The following ZSCAN32 variants were observed in gnomAD, a reference collection of about 807,000 sequenced individuals.
The protein encoded by ZSCAN32 is zinc finger and SCAN domain containing 32.
ZSCAN32 carries 52 observed loss-of-function variants against 47.4 expected under a neutral mutation model. The ratio of observed to expected loss-of-function variants is 1.10; its 90% CI spans 0.88 to 1.38. The LOEUF (loss-of-function observed/expected upper bound fraction) is 1.38. Among genes scored for constraint, ZSCAN32 ranks in the 40% most tolerant of loss-of-function variants. ZSCAN32 has a pLI of 0.00. For synonymous variants in ZSCAN32, 346 were observed against 305.7 expected (o/e 1.13, Z -1.38); for missense variants, 959 against 846.0 (o/e 1.13, Z -1.66).
chr16:3,390,191 G>A (rs1046789044), intron 4 of ZSCAN32, 58 bp from the exon 5 acceptor site: 3 of 1,519,672 alleles, frequency 2.0e-6, no homozygotes, highest in African/African-American at 2.8e-5. Context: ...AGCCTGGGGT[G>A]GGGGCAGAGA....
chr16:3,399,282 C>T (rs2033666240), intron 1 of ZSCAN32, among the ~76,000 whole-genome samples: 1 of 152,126 alleles, frequency 6.6e-6, no homozygotes, highest in Non-Finnish European at 1.5e-5. Context: ...ATACCCACTT[C>T]CCCAGAAGTG....
intron 2 of ZSCAN32, among the ~76,000 whole-genome samples, chr16:3,394,157 T>C (rs12448573): frequency 0.45 from 67,600 of 151,738 alleles, 17,056 homozygotes; most frequent in East Asian, 0.64. Context: ...CCCCAGCTAT[T>C]TGGGAGGCTG....
chr16:3,399,486 C>G (rs1014771124), intron 1 of ZSCAN32, among the ~76,000 whole-genome samples: 1 of 152,176 alleles, frequency 6.6e-6, no homozygotes, highest in Non-Finnish European at 1.5e-5. Context: ...ACAATATACT[C>G]AAGTCTTGAC....
intron 1 of ZSCAN32, 85 bp from the exon 2 acceptor site, chr16:3,397,829 T>TCA: frequency 3.6e-6 from 1 of 281,510 alleles, no homozygotes; most frequent in Non-Finnish European, 6.5e-6. Flanking sequence ...TCCCTTTCCT[T>TCA]TACTCCCTCC....
chr16:3,383,772 C>CAA (rs2031573924), intron 6 of ZSCAN32, 61 bp from the exon 7 acceptor site: 1 of 1,494,814 alleles, frequency 6.7e-7, no homozygotes, highest in African/African-American at 1.4e-5. Flanking sequence ...CAATGGAATG[C>CAA]AAAGTTATAA....
chr16:3,400,293 T>C (rs1358315127), intron 1 of ZSCAN32, among the ~76,000 whole-genome samples: 1 of 152,170 alleles, frequency 6.6e-6, no homozygotes, highest in Non-Finnish European at 1.5e-5. Flanking sequence ...ATGAAGTATC[T>C]TGCCTAAAGC....
chr16:3,390,324 C>T, intron 4 of ZSCAN32, 99 bp downstream of exon 4: 1 of 1,365,782 alleles, frequency 7.3e-7, no homozygotes, highest in South Asian at 1.4e-5. Context: ...CGAGAAGCCC[C>T]ATGGACCACA....
chr16:3,387,432 G>A (rs1168779738), intron 5 of ZSCAN32, among the ~76,000 whole-genome samples: 1 of 152,186 alleles, frequency 6.6e-6, no homozygotes, highest in Non-Finnish European at 1.5e-5. Flanking sequence ...AACACACCAA[G>A]GTAAGAATAA....
intron 4 of ZSCAN32, 28 bp from the exon 5 acceptor site, chr16:3,390,161 C>T (rs373598484): frequency 1.6e-4 from 245 of 1,577,470 alleles, no homozygotes; most frequent in Non-Finnish European, 2.0e-4. Context: ...CTGCTGCTAC[C>T]GATAAAATAG....
Position 3,383,348 on chromosome 16 carries a change from C to T in ZSCAN32, c.1598G>A (p.Ser533Asn). Residue 533 changes from serine (S) to asparagine (N), a missense_variant, in exon 7 of 7, where the codon AGT (serine) becomes AAT (asparagine). Transcript: ENST00000396852. ...CPECGKTFSR[S>N]SYLVRHQRIH... Reference sequence around the variant, plus strand: ...TCTTTGATGCCGAACAAGATAAGAACTTCGGCTAAAGGTTTTCCCACATTC... The same window carrying T: ...TCTTTGATGCCGAACAAGATAAGAATTTCGGCTAAAGGTTTTCCCACATTC... 6.2e-7 allele frequency: 1 copy of T among 1,614,168 alleles called. No homozygotes were observed. Among genetic ancestry groups the T allele is most frequent in the East Asian group, 2.2e-5 (1 of 44,870 alleles).
At chr16:3,395,717 G>A (rs2033309086) in intron 2 of ZSCAN32, among the ~76,000 whole-genome samples, 1 of 152,106 alleles carries the variant, frequency 6.6e-6, no homozygotes, top group Non-Finnish European at 1.5e-5. Context: ...TAAGAGTGTG[G>A]GCCGGGCACA....
Position 3,384,606 on chromosome 16 carries a change from C to T in ZSCAN32, c.1087G>A (p.Ala363Thr). Reference sequence around the variant, plus strand: ...CCATTCTGGTGATTCAGCTCTCCAGCCTCAATATCACTTCCTTCTTGGCCA... The same window carrying T: ...CCATTCTGGTGATTCAGCTCTCCAGTCTCAATATCACTTCCTTCTTGGCCA... ...VPGQEGSDIEAGELNHQNGEP... is the reference protein window; with the variant it reads ...VPGQEGSDIETGELNHQNGEP... The change falls in exon 6 of 7, where the codon GCT becomes ACT. Residue 363 changes from alanine (A) to threonine (T), a missense_variant. Transcript: ENST00000396852. The T allele has an allele frequency of 1.9e-6, 3 of 1,614,174 alleles. No homozygotes were observed. The African/African-American group carries it at 4.0e-5, about 22-fold the overall frequency.
rs753893394 is a variant in ZSCAN32, at chr16:3,382,826, C to G, written c.*26G>C. On this transcript the variant is annotated 3_prime_UTR_variant, in exon 7 of 7. Transcript: ENST00000396852. ...AGCTCATACATGCTGACCTGAGGAA[C>G]TTAATCTGACAGTTTACCGACACAC... The G allele has an allele frequency of 3.5e-5, 53 of 1,534,474 alleles. No individual in the cohort carries two copies. In the South Asian group the frequency reaches 6.5e-4, roughly 19 times the overall value.
At chr16:3,386,497 T>C (rs2032008622) in intron 5 of ZSCAN32, among the ~76,000 whole-genome samples, 1 of 152,158 alleles carries the variant, frequency 6.6e-6, no homozygotes, top group Admixed American at 6.5e-5. Flanking sequence ...CACACGTATG[T>C]TTATTGCGGC....
intron 5 of ZSCAN32, among the ~76,000 whole-genome samples, 200 bp downstream of exon 5, chr16:3,389,810 C>T (rs186689014): frequency 6.6e-6 from 1 of 152,318 alleles, no homozygotes; most frequent in East Asian, 1.9e-4. Flanking sequence ...ATGTTCTTGA[C>T]TGCCGGTCAC....
chr16:3,391,402 GC>G (rs1033207526), intron 3 of ZSCAN32, among the ~76,000 whole-genome samples: 145 of 152,332 alleles, frequency 9.5e-4, no homozygotes, highest in African/African-American at 3.1e-3. Context: ...AATCAGCCGG[GC>G]GCGGTGGCTC....
chr16:3,398,022 G>C (rs1253254484), intron 1 of ZSCAN32, among the ~76,000 whole-genome samples: 1 of 152,176 alleles, frequency 6.6e-6, no homozygotes, highest in African/African-American at 2.4e-5. Flanking sequence ...GGCCAAGCTA[G>C]CTTTGGGAGA....
At chr16:3,390,225 G>A (rs2032518145) in intron 4 of ZSCAN32, 92 bp from the exon 5 acceptor site, 2 of 1,484,870 alleles carry the variant, frequency 1.3e-6, no homozygotes, top group South Asian at 2.7e-5. Flanking sequence ...GTCAGATCAG[G>A]GGCAAGGCAA....
chr16:3,394,239 G>A (rs8050564), intron 2 of ZSCAN32, among the ~76,000 whole-genome samples: 4,952 of 152,082 alleles, frequency 0.033, 260 homozygotes, highest in African/African-American at 0.11. Flanking sequence ...GCACTCCAGC[G>A]TGGACAACAC....
Sources: allele counts gnomAD v4.1 joint callset (sites outside exome capture counted in the v4.1 genomes callset), GRCh38; gene constraint gnomAD v4.1.1; transcripts MANE v1.5; gene names NCBI Gene and HGNC (gene_info 2026-07-23, HGNC 2026-07-21).